MAP4K2: variants seen among roughly 807,000 people sequenced by gnomAD.
MAP4K2 encodes mitogen-activated protein kinase kinase kinase kinase 2, also known as B lymphocyte serine/threonine protein kinase.
A neutral mutation model predicts 125.3 loss-of-function variants in MAP4K2; 85 were observed. That is an observed-to-expected ratio of 0.68 (90% confidence interval 0.57 to 0.81). MAP4K2 has a LOEUF of 0.81. MAP4K2 is among the 40% of genes least tolerant of loss of function. The probability of loss-of-function intolerance (pLI) is 0.00; values close to 1 mark genes in which losing one functional copy is unlikely to be tolerated. For synonymous variants in MAP4K2, 479 were observed against 445.1 expected, an observed-to-expected ratio of 1.08 and a Z score of -0.96; for missense variants, 923 against 1,056.4, an observed-to-expected ratio of 0.87 and a Z score of 1.75.
intron 27 of MAP4K2, among the ~76,000 whole-genome samples, chr11:64,791,272 A>G (rs569213147): frequency 6.6e-6 from 1 of 152,232 alleles, no homozygotes; most frequent in Non-Finnish European, 1.5e-5. Context: ...CCAAGCTGCC[A>G]CAACACCTGG....
Position 64,803,040 on chromosome 11 carries a change from C to A in MAP4K2, c.96+14G>T. ...GGCACCCTCCTCCCGGCTCTCCCGC[C>A]CGTCCCGTCGCACCTTGTAGACGTC... On this transcript the variant is annotated intron_variant, in intron 1 of 31. Transcript: ENST00000294066. 1 of 1,602,094 alleles carries A rather than the reference C, an allele frequency of 6.2e-7. No individual in the cohort carries two copies. Among genetic ancestry groups the A allele is most frequent in the Non-Finnish European group, 8.5e-7 (1 of 1,177,316 alleles).
At chr11:64,801,865 C>A in intron 5 of MAP4K2, 108 bp from the exon 6 acceptor site, 1 of 1,264,396 alleles carries the variant, frequency 7.9e-7, no homozygotes, top group Non-Finnish European at 1.1e-6. Context: ...TTCCTCCCCT[C>A]TCCCCAAACA....
chr11:64,795,063 T>C (rs1940711547), intron 24 of MAP4K2, among the ~76,000 whole-genome samples: 1 of 150,098 alleles, frequency 6.7e-6, no homozygotes, highest in South Asian at 2.1e-4. Flanking sequence ...TACATCACCA[T>C]GCTCAGCTAA....
Position 64,792,240 on chromosome 11 carries a change from C to A in MAP4K2, c.1846G>T (p.Ala616Ser). The A allele has an allele frequency of 6.2e-7, 1 of 1,611,782 alleles. No individual in the cohort carries two copies. The highest frequency in any genetic ancestry group is 8.5e-7 in the Non-Finnish European group (1 of 1,179,538). ...NPYTGATFLLAALPTSLLLLQ... is the reference protein window; with the variant it reads ...NPYTGATFLLSALPTSLLLLQ... ...AGGAGCAGGCTGGTGGGCAGGGCGG[C>A]CAGCAGGAAGGTGGCACCCGTGTAG... The change falls in exon 26 of 32, where the codon GCC becomes TCC. Residue 616 changes from alanine (A) to serine (S), a missense_variant. Transcript: ENST00000294066.
At position 64,801,750 on chromosome 11, in the gene MAP4K2, T is replaced by A; in HGVS notation, c.374A>T (p.His125Leu). 1 of 1,613,302 alleles carries A rather than the reference T, an allele frequency of 6.2e-7. No individual in the cohort carries two copies. Residue 125 changes from histidine to leucine, a missense_variant, in exon 6 of 32, where the codon CAC becomes CTC. Physicochemically the swap from His to Leu is moderately conservative, Grantham distance 99 (BLOSUM62 -3). This residue lies in a region of MAP4K2 where 833 missense variants were observed against 911.4 expected (regional missense o/e 0.91). Transcript: ENST00000294066. Reference protein sequence around the residue: ...YVCREALKGLHHLHSQGKIHR... With the variant: ...YVCREALKGLLHLHSQGKIHR... ...GATCTTCCCCTGAGAATGCAGGTGG[T>A]GGAGCCCCTGGCGACAAAGAGGAGT... is the stretch of plus-strand genomic sequence containing the variant.
intron 4 of MAP4K2, 148 bp downstream of exon 4, chr11:64,802,271 G>A (rs567776059): frequency 1.1e-4 from 115 of 1,080,592 alleles, no homozygotes; most frequent in African/African-American, 1.4e-4. Context: ...ACTGAACCCA[G>A]AGATGGACAG....
At chr11:64,801,467 CTG>C in intron 7 of MAP4K2, 110 bp downstream of exon 7, 1 of 1,256,200 alleles carries the variant, frequency 8.0e-7, no homozygotes, top group Non-Finnish European at 1.1e-6. Flanking sequence ...AGCAGGGAAA[CTG>C]AGACTCAAGT....
At chr11:64,801,936 TC>T in intron 5 of MAP4K2, 129 bp downstream of exon 5, 1 of 1,161,376 alleles carries the variant, frequency 8.6e-7, no homozygotes, top group Non-Finnish European at 1.2e-6. Flanking sequence ...GGGCCCCTTT[TC>T]CCCAGGACCT....
At chr11:64,799,730 T>C (rs760693536) in intron 12 of MAP4K2, 47 bp from the exon 13 acceptor site, 3 of 1,513,846 alleles carry the variant, frequency 2.0e-6, no homozygotes, top group South Asian at 1.1e-5. Flanking sequence ...ACGCGCCTCA[T>C]GCCGGGGCTG....
intron 14 of MAP4K2, 56 bp from the exon 15 acceptor site, chr11:64,798,893 A>G: frequency 7.0e-7 from 1 of 1,429,676 alleles, no homozygotes; most frequent in Non-Finnish European, 9.5e-7. Flanking sequence ...GCAACGTGAG[A>G]GGGCGCTCAA....
rs760268207 is a variant in MAP4K2, at chr11:64,803,169, C to T, written c.-20G>A. ...CGCCATGGCCCGGCGCCGGGCGGGCCGGCAGGCGGGCGGGCGCGAGCTGCG... is the reference window on the plus strand; with the variant it reads ...CGCCATGGCCCGGCGCCGGGCGGGCTGGCAGGCGGGCGGGCGCGAGCTGCG... On this transcript the variant is annotated 5_prime_UTR_variant, in exon 1 of 32. Coordinates refer to ENST00000294066, the MANE Select transcript of MAP4K2 (RefSeq NM_004579.5). The T allele has an allele frequency of 3.4e-6, 4 of 1,190,864 alleles. No homozygotes were observed. The highest frequency in any genetic ancestry group is 4.2e-6 in the Non-Finnish European group (4 of 955,938). 73.8% of individuals were successfully genotyped at this position (1,190,864 alleles called of 1,614,324 possible).
chr11:64,799,753 CACA>C, intron 12 of MAP4K2, 70 bp from the exon 13 acceptor site: 1 of 1,281,696 alleles, frequency 7.8e-7, no homozygotes, highest in Non-Finnish European at 1.1e-6. Flanking sequence ...CTAGGAGCTT[CACA>C]CGCACCAGTG....
chr11:64,792,074 G>A lies in MAP4K2; in HGVS notation c.1927C>T (p.Pro643Ser). The A allele has an allele frequency of 6.3e-7, 1 of 1,587,396 alleles. No individual in the cohort carries two copies. Among genetic ancestry groups the A allele is most frequent in the Non-Finnish European group, 8.6e-7 (1 of 1,166,986 alleles). ...AGCATCCCAGCTGGGCTGGGCAGAG[G>A]GCTGGAGAAGTTCTAGGGGGCAGCA... The part of the protein sequence containing the change: ...KFLLLKNFSS[P>S]LPSPAGMLEP... Residue 643 changes from proline to serine, a missense_variant, in exon 27 of 32, where the codon CCT (proline) becomes TCT (serine). Physicochemically the swap from Pro to Ser is moderately conservative, Grantham distance 74. Transcript: ENST00000294066.
rs765931481 is a variant in MAP4K2 at position 64,801,714 on chromosome 11, A to G, written c.410T>C (p.Ile137Thr). 6.2e-7 allele frequency: 1 copy of G among 1,613,764 alleles called. No individual in the cohort carries two copies. Among genetic ancestry groups the G allele is most frequent in the Admixed American group, 1.7e-5 (1 of 60,008 alleles). ...LHSQGKIHRD[I>T]KGANLLLTLQ... ...TGCCCCCAGCTAGGTGCCTACCTTG[A>G]TGTCTCTGTGGATCTTCCCCTGAGA... is the stretch of plus-strand genomic sequence containing the variant. Residue 137 changes from isoleucine (I) to threonine (T), a missense_variant, in exon 6 of 32, where the codon ATC becomes ACC. Ile to Thr is a moderately conservative substitution (Grantham distance 89). Transcript: ENST00000294066.
rs922935547 is a variant in MAP4K2 at position 64,792,068 on chromosome 11, G to T, written c.1933C>A (p.Pro645Thr). The T allele has an allele frequency of 1.9e-6, 3 of 1,588,788 alleles. No homozygotes were observed. The African/African-American group carries it at 4.0e-5, about 21-fold the overall frequency. ...GGCTCCAGCATCCCAGCTGGGCTGGGCAGAGGGCTGGAGAAGTTCTAGGGG... is the reference window on the plus strand; with the variant it reads ...GGCTCCAGCATCCCAGCTGGGCTGGTCAGAGGGCTGGAGAAGTTCTAGGGG... ...LLLKNFSSPLPSPAGMLEPLV... is the reference protein window; with the variant it reads ...LLLKNFSSPLTSPAGMLEPLV... The change falls in exon 27 of 32, where the codon CCC (proline) becomes ACC (threonine). Residue 645 changes from proline (P) to threonine (T), a missense_variant. Transcript: ENST00000294066.
At position 64,786,882 on chromosome 11, in the gene MAP4K2, A is replaced by G. The variant is rs1411238048; in HGVS notation, c.*2655T>C. The G allele has an allele frequency of 6.6e-6, 1 of 151,602 alleles. No individual in the cohort carries two copies. Among genetic ancestry groups the G allele is most frequent in the African/African-American group, 2.4e-5 (1 of 41,154 alleles). 9.4% of individuals were successfully genotyped at this position (151,602 alleles called of 1,614,324 possible). ...ACATTTGTTATGGGAAACATACACA[A>G]TGGAATACCACTAGCTGTAAAAAAA... On this transcript the variant is annotated 3_prime_UTR_variant, in exon 32 of 32. Transcript: ENST00000294066.
At chr11:64,794,431 C>T (rs1217932216) in intron 24 of MAP4K2, among the ~76,000 whole-genome samples, 1 of 151,562 alleles carries the variant, frequency 6.6e-6, no homozygotes, top group Non-Finnish European at 1.5e-5. Context: ...GCGATCTCGG[C>T]TCATTGCAAC....
Position 64,803,069 on chromosome 11 carries a change from A to G in MAP4K2, c.81T>C (p.Tyr27=), listed in dbSNP as rs1333280657. Residue 27 remains tyrosine (Y), a synonymous_variant, in exon 1 of 32, where the codon TAT becomes TAC. Coordinates refer to ENST00000294066, the MANE Select transcript of MAP4K2 (RefSeq NM_004579.5). ...CCCGTCGCACCTTGTAGACGTCGCC[A>G]TAGGTCCCGGCCCCCACGCGCTGCA... ...ELLQRVGAGT[Y]GDVYKARDTV... is the part of the protein sequence containing the mutation. The G allele has an allele frequency of 3.7e-6, 6 of 1,603,912 alleles. No individual in the cohort carries two copies. In the African/African-American group the frequency reaches 6.7e-5, roughly 18 times the overall value.
rs919424049 is a variant in MAP4K2, at chr11:64,801,708, A to T, written c.414+2T>A. ...CAGGAGTGCCCCCAGCTAGGTGCCT[A>T]CCTTGATGTCTCTGTGGATCTTCCC... On this transcript the variant is annotated splice_donor_variant, in intron 6 of 31. Transcript: ENST00000294066. LOFTEE classifies it high-confidence loss of function. The T allele has an allele frequency of 5.6e-6, 9 of 1,613,428 alleles. No homozygotes were observed. The highest frequency in any genetic ancestry group is 7.6e-6 in the Non-Finnish European group (9 of 1,179,836).
Sources: allele counts gnomAD v4.1 joint callset (sites outside exome capture counted in the v4.1 genomes callset), GRCh38; gene constraint gnomAD v4.1.1; regional missense constraint gnomAD v4.1.1; transcripts MANE v1.5; gene names NCBI Gene and HGNC (gene_info 2026-07-23, HGNC 2026-07-21).